SRGAP3: variants seen among roughly 807,000 people sequenced by gnomAD.
The protein encoded by SRGAP3 is SLIT-ROBO Rho GTPase-activating protein 3.
Under a neutral mutation model 121.1 loss-of-function variants are expected in SRGAP3, and 39 were observed. The ratio of observed to expected loss-of-function variants is 0.32; its 90% CI spans 0.25 to 0.42. The LOEUF (loss-of-function observed/expected upper bound fraction) is 0.42, where lower values mean the gene tolerates loss of function less well. SRGAP3 is among the 10% of genes least tolerant of loss of function. The pLI is 1.00. For missense variants in SRGAP3, 1,213 were observed against 1,470.6 expected, an observed-to-expected ratio of 0.82 and a Z score of 2.86; for synonymous variants, 601 against 570.0, an observed-to-expected ratio of 1.05 and a Z score of -0.77.
chr3:9,100,720 A>G (rs181591438), intron 3 of SRGAP3, among the ~76,000 whole-genome samples: 1 of 152,310 alleles, frequency 6.6e-6, no homozygotes, highest in Non-Finnish European at 1.5e-5. Context: ...ATGTGGTAAA[A>G]CAATCATCAA....
At chr3:9,095,179 T>C (rs1459788059) in intron 3 of SRGAP3, among the ~76,000 whole-genome samples, 2 of 152,114 alleles carry the variant, frequency 1.3e-5, no homozygotes, top group Non-Finnish European at 2.9e-5. Context: ...TTTTATATTC[T>C]GGGTGTTAAC....
chr3:9,314,666 T>TCCACCCTGCCCTCCTCTCC (rs1955314201), intron 3 of SRGAP3, among the ~76,000 whole-genome samples: 2 of 147,856 alleles, frequency 1.4e-5, no homozygotes, highest in African/African-American at 2.6e-5. Flanking sequence ...CCCTCCTCTC[T>TCCACCCTGCCCTCCTCTCC]CCACCCTGCC....
chr3:9,328,566 G>A (rs757974715), intron 2 of SRGAP3, among the ~76,000 whole-genome samples: 1 of 152,124 alleles, frequency 6.6e-6, no homozygotes, highest in African/African-American at 2.4e-5. Context: ...TGATATTTCT[G>A]GCTTCTGAAC....
chr3:9,356,453 A>G (rs1310324983), intron 1 of SRGAP3, among the ~76,000 whole-genome samples: 1 of 138,752 alleles, frequency 7.2e-6, no homozygotes, highest in African/African-American at 2.8e-5. Context: ...GCTCACTGAA[A>G]GTGCTGCCTC....
In SRGAP3 at chr3:9,008,442, GGA is replaced by G. The variant is rs59465338; in HGVS notation, c.2227+1864_2227+1865del. 7.6e-3 allele frequency: 1,130 copies of G among 149,606 alleles called. 19 individuals carry two copies. The highest frequency in any genetic ancestry group is 0.027 in the African/African-American group (1,079 of 40,612). The allele number at this position is 149,606 out of a possible 1,614,324, so 9.3% of individuals were successfully genotyped here. On this transcript the variant is annotated intron_variant, in intron 18 of 21. Coordinates refer to ENST00000383836, the MANE Select transcript of SRGAP3 (RefSeq NM_014850.4). ...CAAAGGAGAGGAAATGACAGGAGTA[GGA>G]GAGAGAGAGAGAGAGAGAGCAAGCT... is the stretch of plus-strand genomic sequence containing the variant.
chr3:9,102,580 G>GT (rs1948258801), intron 3 of SRGAP3, among the ~76,000 whole-genome samples: 1 of 152,234 alleles, frequency 6.6e-6, no homozygotes, highest in Admixed American at 6.5e-5. Flanking sequence ...GAAATTAGGT[G>GT]TAACTGATGC....
intron 3 of SRGAP3, among the ~76,000 whole-genome samples, chr3:9,277,120 C>G (rs185346600): frequency 3.3e-5 from 5 of 152,326 alleles, no homozygotes; most frequent in Non-Finnish European, 5.9e-5. Context: ...TGAGTCAATA[C>G]ATGTCATAAA....
chr3:9,112,708 G>A lies in SRGAP3; in HGVS notation c.261-7866C>T, dbSNP rs148374558. On this transcript the variant is annotated intron_variant, in intron 2 of 21. Coordinates refer to ENST00000383836, the MANE Select transcript of SRGAP3 (RefSeq NM_014850.4). ...CCTGAGCTGAGCTATTTCTCCTCCT[G>A]GATGCCTCCCTGGCCACCCACACAC... 2.0e-5 allele frequency among the ~76,000 whole-genome samples: 3 copies of A among 152,240 alleles called. No homozygotes were observed. In the East Asian group the frequency reaches 5.8e-4, roughly 29 times the overall value.
At chr3:9,244,385 C>T (rs1056759064) in intron 1 of SRGAP3, among the ~76,000 whole-genome samples, 19 of 151,960 alleles carry the variant, frequency 1.3e-4, no homozygotes, top group Admixed American at 5.2e-4. Flanking sequence ...CCATACCTGC[C>T]CTTCTTCCTC....
Position 9,124,827 on chromosome 3 carries a change from A to G in SRGAP3, c.158T>C (p.Phe53Ser). The G allele has an allele frequency of 1.2e-6, 2 of 1,614,228 alleles. No homozygotes were observed. Among genetic ancestry groups the G allele is most frequent in the Non-Finnish European group, 1.7e-6 (2 of 1,180,042 alleles). ...GAGCTCAATCTCAGCTTTCCGGCGG[A>G]AAAACTCCTGGAGGTCTTGAAGCAG... is the stretch of plus-strand genomic sequence containing the variant. ...LQLLQDLQEF[F>S]RRKAEIELEY... The change falls in exon 2 of 22, where the codon TTC becomes TCC. Residue 53 changes from phenylalanine to serine, a missense_variant. Phe to Ser is a radical substitution (Grantham distance 155). Transcript: ENST00000383836.
chr3:9,060,792 C>T (rs935715675), intron 5 of SRGAP3, among the ~76,000 whole-genome samples: 2 of 152,078 alleles, frequency 1.3e-5, no homozygotes, highest in Non-Finnish European at 2.9e-5. Context: ...CCCTGCACAG[C>T]CACACCTATG....
intron 3 of SRGAP3, among the ~76,000 whole-genome samples, chr3:9,264,621 A>G (rs1458549869): frequency 6.6e-6 from 1 of 152,236 alleles, no homozygotes; most frequent in African/African-American, 2.4e-5. Context: ...CCCATTCACA[A>G]TTGCTACAAA....
upstream of SRGAP3, among the ~76,000 whole-genome samples, chr3:9,250,512 T>C (rs1013429376): frequency 1.3e-5 from 2 of 152,098 alleles, no homozygotes; most frequent in Non-Finnish European, 2.9e-5. Context: ...TATTATATAA[T>C]ATCATACAAA....
chr3:9,312,687 C>A (rs1482883881), intron 3 of SRGAP3, among the ~76,000 whole-genome samples: 2 of 152,148 alleles, frequency 1.3e-5, no homozygotes, highest in Non-Finnish European at 2.9e-5. Context: ...GCCAAAGGTT[C>A]TTTTAAAATA....
At chr3:9,135,409 A>C (rs1949607816) in intron 1 of SRGAP3, among the ~76,000 whole-genome samples, 1 of 152,176 alleles carries the variant, frequency 6.6e-6, no homozygotes, top group Non-Finnish European at 1.5e-5. Flanking sequence ...AGAAAACATG[A>C]TGATGGAGAC....
chr3:9,103,880 T>C (rs1019715994), intron 3 of SRGAP3, among the ~76,000 whole-genome samples: 1 of 152,224 alleles, frequency 6.6e-6, no homozygotes, highest in African/African-American at 2.4e-5. Context: ...GATGTTTATA[T>C]GGGTAAAACC....
chr3:9,155,815 C>T (rs181356114), intron 1 of SRGAP3, among the ~76,000 whole-genome samples: 2 of 152,140 alleles, frequency 1.3e-5, no homozygotes, highest in African/African-American at 2.4e-5. Context: ...TTTATAGATG[C>T]TATTGCTTTC....
chr3:9,334,153 T>C (rs2125287272), intron 1 of SRGAP3, among the ~76,000 whole-genome samples: 1 of 152,286 alleles, frequency 6.6e-6, no homozygotes, highest in East Asian at 1.9e-4. Context: ...AATGTTGATT[T>C]ATTTTGTTTT....
intron 1 of SRGAP3, among the ~76,000 whole-genome samples, chr3:9,158,188 G>A (rs138445817): frequency 1.3e-4 from 20 of 152,258 alleles, no homozygotes; most frequent in Admixed American, 3.9e-4. Context: ...GCTTCTCTCC[G>A]GCTCTCCTGT....
Sources: allele counts gnomAD v4.1 joint callset (sites outside exome capture counted in the v4.1 genomes callset), GRCh38; gene constraint gnomAD v4.1.1; transcripts MANE v1.5; gene names NCBI Gene and HGNC (gene_info 2026-07-23, HGNC 2026-07-21).